ANKS4B: variants seen among roughly 807,000 people sequenced by gnomAD.
ANKS4B encodes ankyrin repeat and sterile alpha motif domain containing 4B.
In ANKS4B, 21 loss-of-function variants were observed where a neutral mutation model predicts 20.2. The ratio of observed to expected loss-of-function variants is 1.04; its 90% CI spans 0.74 to 1.50. The LOEUF (loss-of-function observed/expected upper bound fraction) is 1.50. Among genes scored for constraint, ANKS4B ranks in the 40% most tolerant of loss-of-function variants. The probability of loss-of-function intolerance (pLI) is 0.00; values close to 1 mark genes in which losing one functional copy is unlikely to be tolerated. For synonymous variants in ANKS4B, 179 were observed against 194.5 expected (o/e 0.92, Z 0.66); for missense variants, 473 against 494.6 (o/e 0.96, Z 0.41).
At position 21,233,879 on chromosome 16, in the gene ANKS4B, C is replaced by G. The variant is rs778575481; in HGVS notation, c.142C>G (p.Leu48Val). ...LAAYHGNLEA[L>V]EIICSRGGDP... The stretch of plus-strand genomic sequence containing the variant: ...AGCCTACCATGGGAACTTGGAAGCC[C>G]TAGAGATAATCTGCAGTAGAGGGTA... The change falls in exon 1 of 2, where the codon CTA becomes GTA. Residue 48 changes from leucine to valine, a missense_variant. Physicochemically the swap from Leu to Val is conservative, Grantham distance 32. Coordinates refer to ENST00000311620, the MANE Select transcript of ANKS4B (RefSeq NM_145865.3). 1 of 1,613,340 alleles carries G rather than the reference C, an allele frequency of 6.2e-7. No individual in the cohort carries two copies.
chr16:21,250,080 ACTCT>A lies in ANKS4B; in HGVS notation c.519_522del (p.Ser174LeufsTer56), dbSNP rs771215014. The A allele has an allele frequency of 1.5e-5, 25 of 1,613,904 alleles. No homozygotes were observed. The highest frequency in any genetic ancestry group is 2.0e-5 in the Non-Finnish European group (24 of 1,180,002). ...CACCTACAGCAAGGAGGAATCCGGG[ACTCT>A]CTCTTCTTCCAAGGGTACCTTCTCC... On this transcript the variant is annotated frameshift_variant, in exon 2 of 2. Transcript: ENST00000311620. LOFTEE classifies it high-confidence loss of function.
chr16:21,247,040 G>T (rs1178609876), intron 1 of ANKS4B, among the ~76,000 whole-genome samples: 1 of 151,262 alleles, frequency 6.6e-6, no homozygotes, highest in Non-Finnish European at 1.5e-5. Flanking sequence ...ATAGGTCTGG[G>T]TGAGAGTCTT....
At chr16:21,246,964 T>C (rs143252802) in intron 1 of ANKS4B, among the ~76,000 whole-genome samples, 12 of 152,348 alleles carry the variant, frequency 7.9e-5, no homozygotes, top group Non-Finnish European at 1.5e-4. Context: ...CCAGTGAAGT[T>C]CTTTTCAATC....
At chr16:21,244,943 C>T (rs543652614) in intron 1 of ANKS4B, among the ~76,000 whole-genome samples, 15 of 152,170 alleles carry the variant, frequency 9.9e-5, no homozygotes, top group African/African-American at 2.9e-4. Context: ...ACTCTGGTCA[C>T]GCTGATCTAT....
chr16:21,249,611 C>T, intron 1 of ANKS4B, 120 bp from the exon 2 acceptor site: 1 of 1,152,322 alleles, frequency 8.7e-7, no homozygotes, highest in Non-Finnish European at 1.2e-6. Context: ...AATGTCAAGT[C>T]AGGATGAACA....
intron 1 of ANKS4B, among the ~76,000 whole-genome samples, chr16:21,247,306 A>C (rs530946859): frequency 6.6e-6 from 1 of 152,172 alleles, no homozygotes; most frequent in Admixed American, 6.5e-5. Context: ...CTTGTGATCC[A>C]CCCACCTCGA....
At position 21,251,003 on chromosome 16, in the gene ANKS4B, C is replaced by G. The variant is rs1480143384; in HGVS notation, c.*183C>G. ...GTAGGCTATGCCCATCCAAATAAAT[C>G]TCCATGAGAAACTTGAGGAGACTTC... On this transcript the variant is annotated 3_prime_UTR_variant, in exon 2 of 2. Coordinates refer to ENST00000311620, the MANE Select transcript of ANKS4B (RefSeq NM_145865.3). The G allele has an allele frequency of 1.4e-6, 1 of 717,776 alleles. No individual in the cohort carries two copies. 44.5% of individuals were successfully genotyped at this position (717,776 alleles called of 1,614,324 possible). A position where few individuals can be genotyped will look rare whatever the true frequency, so the allele number is the denominator to read the frequency against.
intron 1 of ANKS4B, among the ~76,000 whole-genome samples, chr16:21,236,344 A>C (rs956010006): frequency 3.3e-5 from 5 of 152,138 alleles, no homozygotes; most frequent in African/African-American, 1.2e-4. Context: ...AACATTGCGG[A>C]TTACAATTTG....
At chr16:21,241,565 C>G (rs1418720152) in intron 1 of ANKS4B, among the ~76,000 whole-genome samples, 1 of 152,062 alleles carries the variant, frequency 6.6e-6, no homozygotes, top group African/African-American at 2.4e-5. Context: ...GCACATGCTA[C>G]CACCCCCACT....
chr16:21,235,919 C>T (rs2093319739), intron 1 of ANKS4B, among the ~76,000 whole-genome samples: 1 of 152,190 alleles, frequency 6.6e-6, no homozygotes, highest in African/African-American at 2.4e-5. Flanking sequence ...CCTACTCAGC[C>T]TAGGGTTCCC....
At chr16:21,241,440 C>T (rs1381648693) in intron 1 of ANKS4B, among the ~76,000 whole-genome samples, 1 of 151,832 alleles carries the variant, frequency 6.6e-6, no homozygotes, top group African/African-American at 2.4e-5. Context: ...TTGAGATGGA[C>T]TCTCGCTCTG....
chr16:21,244,794 A>G (rs1256285752), intron 1 of ANKS4B, among the ~76,000 whole-genome samples: 1 of 152,200 alleles, frequency 6.6e-6, no homozygotes. Context: ...CATCCCAAAC[A>G]ATTAAGTCAG....
At position 21,250,566 on chromosome 16, in the gene ANKS4B, G is replaced by A. The variant is rs531162767; in HGVS notation, c.1000G>A (p.Asp334Asn). 7 of 1,614,202 alleles carry A rather than the reference G, an allele frequency of 4.3e-6. No homozygotes were observed. The highest frequency in any genetic ancestry group is 5.1e-6 in the Non-Finnish European group (6 of 1,180,040). ...CAAAGATGATCTGCCGTGGGATGACGATGAAGTGGAGTGGGAGGAAGATGT... is the reference window on the plus strand; with the variant it reads ...CAAAGATGATCTGCCGTGGGATGACAATGAAGTGGAGTGGGAGGAAGATGT... ...GLKDDLPWDD[D>N]EVEWEEDVVD... is the part of the protein sequence containing the mutation. Residue 334 changes from aspartate (D) to asparagine (N), a missense_variant, in exon 2 of 2, where the codon GAT (aspartate) becomes AAT (asparagine). Coordinates refer to ENST00000311620, the MANE Select transcript of ANKS4B (RefSeq NM_145865.3).
At chr16:21,249,593 C>A in intron 1 of ANKS4B, 138 bp from the exon 2 acceptor site, 1 of 1,028,402 alleles carries the variant, frequency 9.7e-7, no homozygotes, top group Non-Finnish European at 1.4e-6. Context: ...CAGCCAGTAT[C>A]TTATAACAAT....
chr16:21,244,158 C>A (rs1024381438), intron 1 of ANKS4B: 1 of 150,624 alleles, frequency 6.6e-6, no homozygotes, highest in Non-Finnish European at 1.5e-5. Context: ...CAAACTAACA[C>A]AGGAACAGAA....
rs773623668 is a variant in ANKS4B, at chr16:21,252,734, C to T, written c.*1914C>T. On this transcript the variant is annotated 3_prime_UTR_variant, in exon 2 of 2. Coordinates refer to ENST00000311620, the MANE Select transcript of ANKS4B (RefSeq NM_145865.3). ...CATATCTGAATATGTGTAGGTTCCA[C>T]GATAGAAACTGACAACACTTGGCTC... The T allele has an allele frequency of 6.6e-6, 1 of 152,170 alleles. No individual in the cohort carries two copies. Among genetic ancestry groups the T allele is most frequent in the Non-Finnish European group, 1.5e-5 (1 of 68,050 alleles). 9.4% of individuals were successfully genotyped at this position (152,170 alleles called of 1,614,324 possible).
chr16:21,236,026 T>A (rs565567076), intron 1 of ANKS4B, among the ~76,000 whole-genome samples: 8 of 152,274 alleles, frequency 5.3e-5, no homozygotes, highest in African/African-American at 1.7e-4. Context: ...TGCATTGCTA[T>A]AAGGAAATGC....
intron 1 of ANKS4B, among the ~76,000 whole-genome samples, chr16:21,235,740 T>G (rs2093319592): frequency 6.6e-6 from 1 of 152,130 alleles, no homozygotes; most frequent in Admixed American, 6.6e-5. Context: ...ATAGGGGACA[T>G]TTAGGAAGTG....
intron 1 of ANKS4B, among the ~76,000 whole-genome samples, chr16:21,234,813 G>A (rs1268130507): frequency 6.6e-6 from 1 of 151,982 alleles, no homozygotes; most frequent in African/African-American, 2.4e-5. Context: ...GATTTGAGAG[G>A]GGAAGACAAG....
Sources: allele counts gnomAD v4.1 joint callset (sites outside exome capture counted in the v4.1 genomes callset), GRCh38; gene constraint gnomAD v4.1.1; transcripts MANE v1.5; gene names NCBI Gene and HGNC (gene_info 2026-07-23, HGNC 2026-07-21).